The following LMO7 variants were observed in gnomAD, a reference collection of about 807,000 sequenced individuals.
LMO7 encodes the protein LIM domain only protein 7.
In LMO7, 120 loss-of-function variants were observed where a neutral mutation model predicts 206.5. That is an observed-to-expected ratio of 0.58 (90% CI 0.50 to 0.68). The LOEUF (loss-of-function observed/expected upper bound fraction) is 0.68. LMO7 is among the 30% of genes least tolerant of loss of function. The pLI, the probability that LMO7 is intolerant of heterozygous loss-of-function variation, is 0.00. For synonymous variants in LMO7, 706 were observed against 681.5 expected (o/e 1.04, Z -0.56); for missense variants, 1,959 against 1,957.9 (o/e 1.00, Z -0.01).
At chr13:75,830,513 T>A (rs1315112634) in intron 15 of LMO7, among the ~76,000 whole-genome samples, 1 of 152,218 alleles carries the variant, frequency 6.6e-6, no homozygotes, top group Non-Finnish European at 1.5e-5. Flanking sequence ...GATATACACC[T>A]GTAATTGCCC....
intron 1 of LMO7, among the ~76,000 whole-genome samples, chr13:75,664,748 C>G (rs1043203025): frequency 6.6e-6 from 1 of 152,114 alleles, no homozygotes; most frequent in Non-Finnish European, 1.5e-5. Flanking sequence ...ATGATCTCTC[C>G]TTGTAGTTTT....
At chr13:75,840,320 A>G (rs756496383) in intron 21 of LMO7, 71 bp from the exon 22 acceptor site, 8 of 1,542,952 alleles carry the variant, frequency 5.2e-6, no homozygotes, top group Non-Finnish European at 7.1e-6. Context: ...TGTGTGCAAA[A>G]GTGGTTCAGT....
chr13:75,735,301 C>T (rs1473179515), intron 3 of LMO7, among the ~76,000 whole-genome samples: 1 of 151,906 alleles, frequency 6.6e-6, no homozygotes, highest in African/African-American at 2.4e-5. Context: ...GACCCTGGAG[C>T]TTGTGAGCCC....
intron 1 of LMO7, among the ~76,000 whole-genome samples, chr13:75,709,897 G>T (rs1172036522): frequency 6.6e-6 from 1 of 152,174 alleles, no homozygotes; most frequent in Non-Finnish European, 1.5e-5. Flanking sequence ...GAATGGTATT[G>T]CCTAGGTTTT....
At chr13:75,635,358 AG>A (rs1175558206), upstream of LMO7, among the ~76,000 whole-genome samples, 1 of 152,112 alleles carries the variant, frequency 6.6e-6, no homozygotes, top group Non-Finnish European at 1.5e-5. Context: ...ACAGATGAGT[AG>A]GCTCCTTTGT....
At chr13:75,703,714 T>TTGTGTGTGTG (rs139490120) in intron 1 of LMO7, among the ~76,000 whole-genome samples, 3 of 147,582 alleles carry the variant, frequency 2.0e-5, no homozygotes, top group East Asian at 2.0e-4. Flanking sequence ...TTCAGGTTCT[T>TTGTGTGTGTG]TGTGTGTGTG....
chr13:75,783,947 A>G (rs1348816426), intron 4 of LMO7, among the ~76,000 whole-genome samples: 3 of 152,182 alleles, frequency 2.0e-5, no homozygotes, highest in African/African-American at 4.8e-5. Flanking sequence ...GGGAACCTCA[A>G]GTCTGCTTTA....
intron 20 of LMO7, among the ~76,000 whole-genome samples, chr13:75,839,381 G>A (rs1435662903): frequency 6.6e-6 from 1 of 152,132 alleles, no homozygotes; most frequent in Non-Finnish European, 1.5e-5. Context: ...TTATTTGACA[G>A]CTGAGGTTTC....
chr13:75,841,159 C>T lies in LMO7; in HGVS notation c.3633C>T (p.Ala1211=), dbSNP rs762082667. ...AACTGAGGGAAGAGTGGCAAAGGGCCAAACAGGAGGCAGAGAGAGAGAATT... is the reference window on the plus strand; with the variant it reads ...AACTGAGGGAAGAGTGGCAAAGGGCTAAACAGGAGGCAGAGAGAGAGAATT... ...QEKLREEWQR[A]KQEAERENSK... Residue 1211 remains alanine (A), a synonymous_variant, in exon 23 of 31, where the codon GCC becomes GCT. Transcript: ENST00000377534. 6 of 1,613,256 alleles carry T rather than the reference C, an allele frequency of 3.7e-6. No individual in the cohort carries two copies. The East Asian group carries it at 1.3e-4, about 36-fold the overall frequency.
chr13:75,826,443 C>T (rs1474105962), intron 15 of LMO7, among the ~76,000 whole-genome samples: 1 of 152,170 alleles, frequency 6.6e-6, no homozygotes, highest in African/African-American at 2.4e-5. Context: ...ACAAGACTGG[C>T]ATCAGATTAA....
intron 1 of LMO7, among the ~76,000 whole-genome samples, chr13:75,703,382 A>G (rs7991060): frequency 0.077 from 11,688 of 152,130 alleles, 984 homozygotes; most frequent in African/African-American, 0.2. Flanking sequence ...GAGGTAAGTC[A>G]CTAATTACAG....
At chr13:75,724,053 A>C (rs1240961603) in intron 2 of LMO7, among the ~76,000 whole-genome samples, 1 of 152,110 alleles carries the variant, frequency 6.6e-6, no homozygotes. Flanking sequence ...TTCTACTCTC[A>C]TGACCTAATC....
chr13:75,668,787 G>C (rs947823548), intron 1 of LMO7, among the ~76,000 whole-genome samples: 5 of 152,194 alleles, frequency 3.3e-5, no homozygotes, highest in African/African-American at 9.6e-5. Context: ...GTGACAAAGA[G>C]AGATCATAGA....
intron 7 of LMO7, among the ~76,000 whole-genome samples, chr13:75,802,363 T>C (rs2054865871): frequency 6.6e-6 from 1 of 152,228 alleles, no homozygotes; most frequent in African/African-American, 2.4e-5. Context: ...GAAATGAATC[T>C]GAGTATGTGA....
chr13:75,849,488 T>G (rs542807041), intron 27 of LMO7, among the ~76,000 whole-genome samples, 196 bp downstream of exon 27: 1 of 138,840 alleles, frequency 7.2e-6, no homozygotes, highest in South Asian at 2.3e-4. Context: ...ATTCTGGCTG[T>G]TTTTTTTTTT....
intron 1 of LMO7, among the ~76,000 whole-genome samples, chr13:75,665,935 C>G (rs569955708): frequency 1.3e-5 from 2 of 152,202 alleles, no homozygotes; most frequent in South Asian, 2.1e-4. Flanking sequence ...AGTGTATTTT[C>G]TATTTAAGAT....
chr13:75,754,373 T>C (rs2047507567), intron 3 of LMO7, among the ~76,000 whole-genome samples: 3 of 152,252 alleles, frequency 2.0e-5, no homozygotes, highest in African/African-American at 7.2e-5. Context: ...TTCCATTGTA[T>C]GGATAGACCA....
At chr13:75,621,899 T>G in intron 1 of LMO7, 1 of 1,500,250 alleles carries the variant, frequency 6.7e-7, no homozygotes, top group Non-Finnish European at 9.0e-7. Flanking sequence ...ACTTTTATAT[T>G]ATTACTTTGA....
At chr13:75,632,541 C>T (rs945940190), upstream of LMO7, among the ~76,000 whole-genome samples, 1 of 152,134 alleles carries the variant, frequency 6.6e-6, no homozygotes, top group Admixed American at 6.5e-5. Flanking sequence ...CACAACAATC[C>T]TTTGAAGTAT....
Sources: allele counts gnomAD v4.1 joint callset (sites outside exome capture counted in the v4.1 genomes callset), GRCh38; gene constraint gnomAD v4.1.1; transcripts MANE v1.5; gene names NCBI Gene and HGNC (gene_info 2026-07-23, HGNC 2026-07-21).